The following SMIM35 variants were observed in gnomAD, a reference collection of about 807,000 sequenced individuals.
SMIM35 encodes small integral membrane protein 35.
At chr11:118,045,571 C>T (rs631191) in intron 1 of SMIM35, among the ~76,000 whole-genome samples, 2,313 of 152,276 alleles carry the variant, frequency 0.015, 27 homozygotes, top group Middle Eastern at 0.024. Context: ...CAGGTATCAT[C>T]AATTTCACAT....
rs1276013521 is a variant in SMIM35 at position 118,074,192 on chromosome 11, C to G, written c.7+12559G>C. ...TCCCAGGGCCCTGGAAGGAACCGTG[C>G]AAGTGAGGGGCTCTGAAGCTTCAGC... On this transcript the variant is annotated intron_variant, in intron 1 of 4. Coordinates refer to ENST00000689828, the MANE Select transcript of SMIM35 (RefSeq NM_001394165.1). 2.6e-5 allele frequency among the ~76,000 whole-genome samples: 4 copies of G among 152,180 alleles called. No homozygotes were observed. In the East Asian group the frequency reaches 7.7e-4, roughly 29 times the overall value.
chr11:118,068,444 T>A (rs1200585621), intron 1 of SMIM35, among the ~76,000 whole-genome samples: 2 of 152,198 alleles, frequency 1.3e-5, no homozygotes, highest in African/African-American at 4.8e-5. Flanking sequence ...GACAGCGCCT[T>A]ATTCATCTTT....
At chr11:118,025,810 G>T (rs899838873) in intron 1 of SMIM35, 1 of 447,564 alleles carries the variant, frequency 2.2e-6, no homozygotes, top group South Asian at 1.6e-5. Flanking sequence ...GGTCCCTTTT[G>T]TCAGTTTTTA....
At chr11:118,027,945 C>G (rs1313342307) in intron 1 of SMIM35, among the ~76,000 whole-genome samples, 2 of 152,232 alleles carry the variant, frequency 1.3e-5, no homozygotes, top group Non-Finnish European at 2.9e-5. Context: ...GTCAAAGGCT[C>G]ATGAAGAGTC....
chr11:118,070,849 A>C (rs937406767), intron 1 of SMIM35, among the ~76,000 whole-genome samples: 2 of 152,130 alleles, frequency 1.3e-5, no homozygotes, highest in African/African-American at 4.8e-5. Context: ...AGTGGGCTGC[A>C]GAAGCCAGTG....
At chr11:118,007,237 T>C (rs2058126585) in intron 4 of SMIM35, among the ~76,000 whole-genome samples, 1 of 152,114 alleles carries the variant, frequency 6.6e-6, no homozygotes, top group Admixed American at 6.5e-5. Flanking sequence ...AAAAGGATTA[T>C]TCCGAGTTAC....
chr11:118,025,806 T>A (rs56137014), intron 1 of SMIM35: 40,297 of 444,252 alleles, frequency 0.091, 2,664 homozygotes, highest in East Asian at 0.36. Flanking sequence ...ATCAGGTCCC[T>A]TTTGTCAGTT....
At chr11:118,025,435 G>A in intron 1 of SMIM35, 1 of 445,572 alleles carries the variant, frequency 2.2e-6, no homozygotes, top group Non-Finnish European at 4.5e-6. Flanking sequence ...CCTTTCCTCT[G>A]CAGCCTTGCC....
intron 4 of SMIM35, among the ~76,000 whole-genome samples, chr11:118,011,098 G>C (rs2058147787): frequency 6.6e-6 from 1 of 152,268 alleles, no homozygotes. Flanking sequence ...GTAAGGAAAA[G>C]AGGGGGAGGC....
intron 3 of SMIM35, 42 bp downstream of exon 3, chr11:118,014,666 C>T (rs2058169614): frequency 1.3e-5 from 5 of 398,824 alleles, no homozygotes; most frequent in Non-Finnish European, 1.8e-5. Context: ...TATATCTACC[C>T]CCAACCCCCA....
At chr11:118,009,454 T>C (rs1222798162) in intron 4 of SMIM35, among the ~76,000 whole-genome samples, 2 of 152,170 alleles carry the variant, frequency 1.3e-5, no homozygotes, top group Admixed American at 6.5e-5. Context: ...TGCACTGATA[T>C]GTGCTCAGCA....
Position 118,035,927 on chromosome 11 carries a change from G to A in SMIM35, c.8-20118C>T, listed in dbSNP as rs192348421. Among the ~76,000 whole-genome samples the A allele has an allele frequency of 3.2e-3, 484 of 152,114 alleles. 4 individuals are homozygous for A. The highest frequency in any genetic ancestry group is 0.011 in the African/African-American group (463 of 41,498). ...TGACAGAGTCGAGTCTCGCTCTATC[G>A]CCCAGGCTGGAGTGCAGTGGCACAG... On this transcript the variant is annotated intron_variant, in intron 1 of 4. Transcript: ENST00000689828.
chr11:118,078,719 G>A (rs1944887508), intron 1 of SMIM35, among the ~76,000 whole-genome samples: 1 of 152,160 alleles, frequency 6.6e-6, no homozygotes, highest in Admixed American at 6.5e-5. Flanking sequence ...CAACAGAGAA[G>A]GGAATCATTT....
intron 1 of SMIM35, among the ~76,000 whole-genome samples, chr11:118,072,042 T>C (rs543978934): frequency 6.6e-6 from 1 of 152,264 alleles, no homozygotes; most frequent in East Asian, 1.9e-4. Flanking sequence ...GCAGGAGATA[T>C]TTTATTTTTC....
rs1232940702 is a variant in SMIM35, at chr11:118,004,678, C to T, written c.*1732G>A. On this transcript the variant is annotated 3_prime_UTR_variant, in exon 5 of 5. Transcript: ENST00000689828. ...CCGGCTTGGAGAAGATCCCCAAACC[C>T]CTGCAGCCAATACAGTTAGAATATT... 1.3e-5 allele frequency: 2 copies of T among 152,188 alleles called. No individual in the cohort carries two copies. The highest frequency in any genetic ancestry group is 4.8e-5 in the African/African-American group (2 of 41,422). The allele number at this position is 152,188 out of a possible 1,614,324, so 9.4% of individuals were successfully genotyped here.
chr11:118,044,772 CAA>C (rs35072099), intron 1 of SMIM35, among the ~76,000 whole-genome samples: 3 of 94,728 alleles, frequency 3.2e-5, no homozygotes, highest in Non-Finnish European at 4.0e-5. Context: ...ACTCCATCTC[CAA>C]AAAAAAAAAA....
intron 1 of SMIM35, among the ~76,000 whole-genome samples, chr11:118,061,137 T>C (rs2135121929): frequency 6.6e-6 from 1 of 152,316 alleles, no homozygotes; most frequent in African/African-American, 2.4e-5. Flanking sequence ...GACAGACACA[T>C]GACACCCACA....
intron 1 of SMIM35, among the ~76,000 whole-genome samples, chr11:118,077,560 T>G (rs749618369): frequency 4.6e-5 from 7 of 152,242 alleles, no homozygotes; most frequent in Non-Finnish European, 1.0e-4. Flanking sequence ...AGGGCTGTCC[T>G]TCCCGACTAT....
chr11:118,019,634 G>C (rs2058209762), intron 1 of SMIM35, among the ~76,000 whole-genome samples: 1 of 151,844 alleles, frequency 6.6e-6, no homozygotes, highest in South Asian at 2.1e-4. Flanking sequence ...TTATCTATTT[G>C]TGCTTTTTAA....
Sources: gnomAD v4.1 joint callset for allele counts (sites outside exome capture counted in the v4.1 genomes callset) on GRCh38, gnomAD v4.1.1 for gene constraint, MANE v1.5 for transcripts, NCBI Gene and HGNC (gene_info 2026-07-23, HGNC 2026-07-21) for gene names.